The following LDLRAD4 variants were observed in gnomAD, a reference collection of about 807,000 sequenced individuals.
LDLRAD4 encodes low-density lipoprotein receptor class A domain-containing protein 4.
LDLRAD4 carries 5 observed loss-of-function variants against 17.0 expected under a neutral mutation model. That is an observed-to-expected ratio of 0.29 (90% CI 0.15 to 0.62). LDLRAD4 has a LOEUF of 0.62. LDLRAD4 is among the 20% of genes least tolerant of loss of function. The pLI is 0.84. For synonymous variants in LDLRAD4, 168 were observed against 171.8 expected (o/e 0.98, Z 0.17); for missense variants, 340 against 424.7 (o/e 0.80, Z 1.75).
At position 13,645,741 on chromosome 18, in the gene LDLRAD4, A is replaced by T; in HGVS notation, c.*84A>T. ...GCCCCTCCTGCGCACAGTGTTGTTC[A>T]GTTTCACATGGTACAAATAAGTAAA... On this transcript the variant is annotated 3_prime_UTR_variant, in exon 6 of 6. Coordinates refer to ENST00000359446, the Ensembl canonical transcript of LDLRAD4. The surrounding 1 kb of genome is among the most constrained non-coding windows in gnomAD (Gnocchi z 5.7). The T allele has an allele frequency of 9.3e-7, 1 of 1,072,688 alleles. No homozygotes were observed. The highest frequency in any genetic ancestry group is 2.1e-5 in the South Asian group (1 of 47,044). 66.4% of individuals were successfully genotyped at this position (1,072,688 alleles called of 1,614,324 possible). A position where few individuals can be genotyped will look rare whatever the true frequency, so the allele number is the denominator to read the frequency against.
intron 1 of LDLRAD4, among the ~76,000 whole-genome samples, chr18:13,267,286 T>C (rs2044274220): frequency 6.6e-6 from 1 of 152,246 alleles, no homozygotes; most frequent in Non-Finnish European, 1.5e-5. Flanking sequence ...ACTCTACTTC[T>C]GATCACTGGT....
At chr18:13,574,946 A>T (rs1408855769) in intron 3 of LDLRAD4, among the ~76,000 whole-genome samples, 1 of 152,232 alleles carries the variant, frequency 6.6e-6, no homozygotes, top group Non-Finnish European at 1.5e-5. Flanking sequence ...CTGTTTGGGA[A>T]GGAGGACAGG....
intron 3 of LDLRAD4, among the ~76,000 whole-genome samples, chr18:13,591,071 T>C (rs772217339): frequency 6.6e-6 from 1 of 152,202 alleles, no homozygotes; most frequent in African/African-American, 2.4e-5. Context: ...TTTGAGGCTG[T>C]TTTATTGTCC....
intron 2 of LDLRAD4, among the ~76,000 whole-genome samples, chr18:13,432,307 G>A (rs911227950): frequency 2.6e-5 from 4 of 152,202 alleles, no homozygotes; most frequent in African/African-American, 9.7e-5. Context: ...TGGATGCTGT[G>A]TTTTGGCAAC....
intron 3 of LDLRAD4, chr18:13,612,131 G>T (rs1168325028): frequency 2.0e-6 from 2 of 985,928 alleles, no homozygotes; most frequent in Non-Finnish European, 2.4e-6. Flanking sequence ...GGAGTATTGT[G>T]TGAGACTTGC....
chr18:13,499,286 G>A lies in LDLRAD4; in HGVS notation c.181+60902G>A, dbSNP rs781044819. ...TCCTTCTCGCCACACACGTCCTTTC[G>A]TGGACACTGGAGAATCCTTCTACTC... On this transcript the variant is annotated intron_variant, in intron 3 of 5. Transcript: ENST00000359446. 5.4e-4 allele frequency among the ~76,000 whole-genome samples: 77 copies of A among 142,682 alleles called. 1 individual carries two copies. The highest frequency in any genetic ancestry group is 8.8e-4 in the Non-Finnish European group (57 of 65,082). 93.6% of individuals were successfully genotyped at this position (142,682 alleles called of 152,430 possible). A position where few individuals can be genotyped will look rare whatever the true frequency, so the allele number is the denominator to read the frequency against.
At chr18:13,468,077 G>A (rs1415458168) in intron 3 of LDLRAD4, among the ~76,000 whole-genome samples, 1 of 151,996 alleles carries the variant, frequency 6.6e-6, no homozygotes, top group East Asian at 1.9e-4. Flanking sequence ...GTTGGATATG[G>A]CAGTGGATTC....
At chr18:13,363,489 A>T (rs1166210662) in intron 1 of LDLRAD4, among the ~76,000 whole-genome samples, 2 of 152,208 alleles carry the variant, frequency 1.3e-5, no homozygotes, top group African/African-American at 4.8e-5. Flanking sequence ...TGTTTTAATT[A>T]TTCCAGTGCC....
chr18:13,548,283 GT>G (rs199539118), intron 3 of LDLRAD4, among the ~76,000 whole-genome samples: 3,139 of 116,014 alleles, frequency 0.027, 119 homozygotes, highest in African/African-American at 0.083. Flanking sequence ...TGGCCAGAAG[GT>G]GGGGTTAGTC....
At chr18:13,420,804 G>T (rs2089372449) in intron 2 of LDLRAD4, 1 of 152,282 alleles carries the variant, frequency 6.6e-6, no homozygotes, top group Non-Finnish European at 1.5e-5. Flanking sequence ...AATGACCACA[G>T]AATACTCACT....
At position 13,643,341 on chromosome 18, in the gene LDLRAD4, C is replaced by A; in HGVS notation, c.337-18C>A. The A allele has an allele frequency of 6.8e-7, 1 of 1,466,694 alleles. No individual in the cohort carries two copies. Among genetic ancestry groups the A allele is most frequent in the Non-Finnish European group, 9.1e-7 (1 of 1,099,286 alleles). The allele number at this position is 1,466,694 out of a possible 1,614,324, so 90.9% of individuals were successfully genotyped here. On this transcript the variant is annotated intron_variant, in intron 4 of 5. Transcript: ENST00000359446. ...TGTTTCTTGTTCCCCCCACTCTCCT[C>A]CCCTTCCCCTCCGCCAGGAAGGGTG...
chr18:13,496,713 A>G (rs372697720), intron 3 of LDLRAD4, among the ~76,000 whole-genome samples: 1 of 151,892 alleles, frequency 6.6e-6, no homozygotes, highest in Non-Finnish European at 1.5e-5. Context: ...CTCGAGGTTA[A>G]TAAAGGGATT....
At chr18:13,343,994 A>C (rs1252430355) in intron 1 of LDLRAD4, among the ~76,000 whole-genome samples, 2 of 152,186 alleles carry the variant, frequency 1.3e-5, no homozygotes, top group African/African-American at 4.8e-5. Flanking sequence ...CCTTTGTCAG[A>C]TGAGTAGATT....
intron 1 of LDLRAD4, among the ~76,000 whole-genome samples, chr18:13,237,134 T>C (rs1309830522): frequency 6.6e-6 from 1 of 152,212 alleles, no homozygotes; most frequent in East Asian, 1.9e-4. Flanking sequence ...GCCAGCTTGC[T>C]CTTGTTCTGG....
intron 1 of LDLRAD4, among the ~76,000 whole-genome samples, chr18:13,268,246 C>G (rs2044331134): frequency 6.6e-6 from 1 of 152,206 alleles, no homozygotes; most frequent in Admixed American, 6.5e-5. Flanking sequence ...TTTCCTTAGT[C>G]TCAGTTCCTC....
intron 1 of LDLRAD4, among the ~76,000 whole-genome samples, chr18:13,298,929 TG>T (rs1420510574): frequency 6.6e-6 from 1 of 152,240 alleles, no homozygotes; most frequent in Non-Finnish European, 1.5e-5. Flanking sequence ...CTTGAAATTC[TG>T]GGGGAGCATC....
At chr18:13,557,603 T>C (rs1402518791) in intron 3 of LDLRAD4, among the ~76,000 whole-genome samples, 3 of 152,174 alleles carry the variant, frequency 2.0e-5, no homozygotes, top group Non-Finnish European at 2.9e-5. Flanking sequence ...GGTTTCACCG[T>C]GTTAGCCAGA....
At chr18:13,346,553 G>T (rs1424168811) in intron 1 of LDLRAD4, among the ~76,000 whole-genome samples, 1 of 152,204 alleles carries the variant, frequency 6.6e-6, no homozygotes, top group Non-Finnish European at 1.5e-5. Flanking sequence ...TGTATATTCT[G>T]TTGATTTGGG....
At chr18:13,316,473 G>A (rs147592188) in intron 1 of LDLRAD4, among the ~76,000 whole-genome samples, 180 of 152,264 alleles carry the variant, frequency 1.2e-3, no homozygotes, top group Middle Eastern at 3.4e-3. Flanking sequence ...TTCTTCAGGC[G>A]GAAGGATAAA....
Sources: allele counts gnomAD v4.1 joint callset (sites outside exome capture counted in the v4.1 genomes callset), GRCh38; gene constraint gnomAD v4.1.1; non-coding constraint Gnocchi (gnomAD v3.1); transcripts MANE v1.5; gene names NCBI Gene and HGNC (gene_info 2026-07-23, HGNC 2026-07-21).